The following STON2 variants were observed in gnomAD, a reference collection of about 807,000 sequenced individuals.
The protein encoded by STON2 is stonin-2.
STON2 carries 29 observed loss-of-function variants against 65.7 expected under a neutral mutation model. That is an observed-to-expected ratio of 0.44 (90% CI 0.33 to 0.60). The LOEUF (loss-of-function observed/expected upper bound fraction) is 0.60, where lower values mean the gene tolerates loss of function less well. STON2 is among the 20% of genes least tolerant of loss of function. The pLI, the probability that STON2 is intolerant of heterozygous loss-of-function variation, is 0.03. For synonymous variants in STON2, 404 were observed against 414.2 expected (o/e 0.98, Z 0.30); for missense variants, 1,054 against 1,118.1 (o/e 0.94, Z 0.82).
rs115713913 is a variant in STON2, at chr14:81,396,366, G to A, written c.89-188C>T. On this transcript the variant is annotated intron_variant, in intron 2 of 7. Coordinates refer to ENST00000614646, the MANE Select transcript of STON2 (RefSeq NM_001394390.1). ...ACTGTTTCCCTAATCATGTGTAAAT[G>A]CTGTAAGCTCAGCATGTCTCCAGTC... Among the ~76,000 whole-genome samples the A allele has an allele frequency of 2.4e-3, 359 of 152,304 alleles. 2 individuals are homozygous for A. Among genetic ancestry groups the A allele is most frequent in the African/African-American group, 8.3e-3 (345 of 41,566 alleles).
At chr14:81,347,474 A>G (rs1779200769) in intron 4 of STON2, among the ~76,000 whole-genome samples, 1 of 152,100 alleles carries the variant, frequency 6.6e-6, no homozygotes, top group Admixed American at 6.6e-5. Flanking sequence ...ATGGCTTTAC[A>G]TTGAATTCTA....
At chr14:81,433,179 G>C (rs1902284824) in intron 1 of STON2, among the ~76,000 whole-genome samples, 1 of 152,222 alleles carries the variant, frequency 6.6e-6, no homozygotes, top group Non-Finnish European at 1.5e-5. Flanking sequence ...TTTTAGGAGA[G>C]AACTTGTGAA....
chr14:81,379,773 G>C (rs1899425613), intron 3 of STON2, among the ~76,000 whole-genome samples: 7 of 152,160 alleles, frequency 4.6e-5, no homozygotes, highest in Admixed American at 4.6e-4. Flanking sequence ...AAATGGTGTT[G>C]AGAAAACTGC....
chr14:81,393,467 G>A (rs111867131), intron 3 of STON2, among the ~76,000 whole-genome samples: 2,230 of 152,270 alleles, frequency 0.015, 17 homozygotes, highest in South Asian at 0.026. Flanking sequence ...CAGGGCATCC[G>A]AAGGCTGCTC....
chr14:81,365,472 C>G (rs749906845), intron 4 of STON2, among the ~76,000 whole-genome samples: 47 of 152,178 alleles, frequency 3.1e-4, no homozygotes, highest in Non-Finnish European at 5.7e-4. Context: ...AAAAGAGAGC[C>G]TGGACAGGTG....
intron 5 of STON2, among the ~76,000 whole-genome samples, chr14:81,280,689 A>G (rs1454945557): frequency 6.6e-6 from 1 of 152,168 alleles, no homozygotes; most frequent in Non-Finnish European, 1.5e-5. Context: ...ACAGATAGCA[A>G]TTCTCTCAAA....
At chr14:81,345,139 G>A (rs1160434656) in intron 4 of STON2, among the ~76,000 whole-genome samples, 1 of 152,238 alleles carries the variant, frequency 6.6e-6, no homozygotes, top group East Asian at 1.9e-4. Context: ...GGCTTACAGT[G>A]TCAAACTGGT....
In STON2 at chr14:81,272,742, G is replaced by A. The variant is rs544440482; in HGVS notation, c.2582-1870C>T. Among the ~76,000 whole-genome samples, 8 of 152,282 alleles carry A rather than the reference G, an allele frequency of 5.3e-5. No homozygotes were observed. In the South Asian group the frequency reaches 1.7e-3, roughly 32 times the overall value. On this transcript the variant is annotated intron_variant, in intron 6 of 7. Coordinates refer to ENST00000614646, the MANE Select transcript of STON2 (RefSeq NM_001394390.1). The stretch of plus-strand genomic sequence containing the variant: ...TCCACTCAATGTTTTTAAATTGTGT[G>A]CCACAGATGTAATTATACAGCTATC...
intron 5 of STON2, among the ~76,000 whole-genome samples, chr14:81,317,751 T>A (rs950849082): frequency 3.3e-5 from 5 of 152,096 alleles, no homozygotes; most frequent in African/African-American, 1.2e-4. Context: ...TAAGGGGATA[T>A]CATGTGATCT....
chr14:81,328,925 C>T (rs1173452222), intron 4 of STON2, among the ~76,000 whole-genome samples: 4 of 152,176 alleles, frequency 2.6e-5, no homozygotes, highest in African/African-American at 7.2e-5. Context: ...CAGATGCCAG[C>T]GCCATGCTTC....
rs1419793172 is a variant in STON2, at chr14:81,278,382, C to T, written c.1100G>A (p.Arg367Lys). 6.2e-7 allele frequency: 1 copy of T among 1,614,210 alleles called. No individual in the cohort carries two copies. Among genetic ancestry groups the T allele is most frequent in the East Asian group, 2.2e-5 (1 of 44,878 alleles). Residue 367 changes from arginine (R) to lysine (K), a missense_variant, in exon 6 of 8, where the codon AGG (arginine) becomes AAG (lysine). Physicochemically the swap from Arg to Lys is conservative, Grantham distance 26. Coordinates refer to ENST00000614646, the MANE Select transcript of STON2 (RefSeq NM_001394390.1). ...CTCATTCAGGAAAGGGTTGGTTGCC[C>T]TCCAAGGTGAAGCCTCAGTTACAGA... ...TPSVTEASPW[R>K]ATNPFLNETL...
intron 5 of STON2, among the ~76,000 whole-genome samples, chr14:81,289,278 G>T (rs144191478): frequency 6.6e-6 from 1 of 152,298 alleles, no homozygotes; most frequent in South Asian, 2.1e-4. Flanking sequence ...GAGCAAGTAA[G>T]ATCAGTTTCA....
intron 5 of STON2, among the ~76,000 whole-genome samples, chr14:81,322,705 CTG>C (rs1435608169): frequency 2.6e-5 from 4 of 152,200 alleles, no homozygotes; most frequent in Admixed American, 2.0e-4. Flanking sequence ...TTCACCCTAC[CTG>C]TGACCCTCCC....
chr14:81,398,269 C>T (rs762818272), intron 2 of STON2, 26 bp downstream of exon 2: 39 of 1,542,096 alleles, frequency 2.5e-5, no homozygotes, highest in Non-Finnish European at 3.3e-5. Flanking sequence ...AATCTCTTCA[C>T]TTTAGGAAAC....
At chr14:81,301,858 T>C (rs1276213063) in intron 5 of STON2, among the ~76,000 whole-genome samples, 2 of 152,222 alleles carry the variant, frequency 1.3e-5, no homozygotes, top group African/African-American at 4.8e-5. Flanking sequence ...ACATCTCCTA[T>C]TGTAGATTTG....
chr14:81,409,740 T>C (rs760732154), intron 2 of STON2, among the ~76,000 whole-genome samples: 1 of 152,194 alleles, frequency 6.6e-6, no homozygotes, highest in Non-Finnish European at 1.5e-5. Flanking sequence ...CTGCACTCTT[T>C]CCACAACAGC....
intron 1 of STON2, among the ~76,000 whole-genome samples, chr14:81,432,348 C>A (rs1442176264): frequency 6.6e-6 from 1 of 151,948 alleles, no homozygotes; most frequent in Non-Finnish European, 1.5e-5. Context: ...GTAGTATAAG[C>A]CAAACCATGG....
chr14:81,269,420 G>A (rs1318283355), intron 7 of STON2: 6 of 985,238 alleles, frequency 6.1e-6, no homozygotes, highest in Non-Finnish European at 7.2e-6. Context: ...GAAATTAACA[G>A]ATTAATCTTT....
intron 2 of STON2, among the ~76,000 whole-genome samples, chr14:81,411,664 G>A (rs926339519): frequency 2.0e-5 from 3 of 152,236 alleles, no homozygotes; most frequent in African/African-American, 4.8e-5. Flanking sequence ...CCAAGATCAC[G>A]CTATTGCACT....
Sources: allele counts gnomAD v4.1 joint callset (sites outside exome capture counted in the v4.1 genomes callset), GRCh38; gene constraint gnomAD v4.1.1; transcripts MANE v1.5; gene names NCBI Gene and HGNC (gene_info 2026-07-23, HGNC 2026-07-21).